Variants in HORMAD2 observed in about 807,000 individuals in gnomAD.
HORMAD2 encodes HORMA domain containing 2.
HORMAD2 carries 45 observed loss-of-function variants against 38.8 expected under a neutral mutation model. The ratio of observed to expected loss-of-function variants is 1.16; its 90% confidence interval spans 0.91 to 1.49. The LOEUF is 1.49. Among genes scored for constraint, HORMAD2 ranks in the 40% most tolerant of loss-of-function variants. The pLI is 0.00. For synonymous variants in HORMAD2, 126 were observed against 122.8 expected, an observed-to-expected ratio of 1.03 and a Z score of -0.17; for missense variants, 338 against 367.0, an observed-to-expected ratio of 0.92 and a Z score of 0.65.
At chr22:30,081,820 C>T (rs759721481) in intron 1 of HORMAD2, among the ~76,000 whole-genome samples, 8 of 152,074 alleles carry the variant, frequency 5.3e-5, no homozygotes, top group East Asian at 1.9e-4. Context: ...CTCTTGACCT[C>T]GTGATCCTCC....
intron 10 of HORMAD2, among the ~76,000 whole-genome samples, chr22:30,165,266 G>A (rs1328647367): frequency 1.3e-5 from 2 of 152,124 alleles, no homozygotes; most frequent in Non-Finnish European, 2.9e-5. Context: ...TGGTCTATAT[G>A]CCTGTCTTTA....
rs1431752401 is a variant in HORMAD2 at position 30,088,042 on chromosome 22, C to CATATGTACACACGTATACATATAT, written c.-37-5873_-37-5872insTATGTACACACGTATACATATATA. On this transcript the variant is annotated intron_variant, in intron 1 of 10. Transcript: ENST00000336726. ...ATATACAGATCTGTATATGTGTATA[C>CATATGTACACACGTATACATATAT]ACACGTACACACGTATACATATACA... Among the ~76,000 whole-genome samples, 4 of 150,986 alleles carry CATATGTACACACGTATACATATAT rather than the reference C, an allele frequency of 2.6e-5. No individual in the cohort carries two copies. In the South Asian group the frequency reaches 8.4e-4, roughly 32 times the overall value.
At chr22:30,090,183 C>T (rs1470846267) in intron 1 of HORMAD2, among the ~76,000 whole-genome samples, 1 of 151,958 alleles carries the variant, frequency 6.6e-6, no homozygotes, top group Non-Finnish European at 1.5e-5. Context: ...GGCAACATGA[C>T]AAAACCCCAT....
chr22:30,143,047 C>T (rs1924183468), intron 10 of HORMAD2, among the ~76,000 whole-genome samples: 1 of 152,092 alleles, frequency 6.6e-6, no homozygotes, highest in Non-Finnish European at 1.5e-5. Flanking sequence ...TCATCTGTAG[C>T]TATTTCCTTG....
chr22:30,180,934 CTCCTCTCCTCTCCTCT>C (rs1569125714), downstream of HORMAD2, among the ~76,000 whole-genome samples: 12 of 60,120 alleles, frequency 2.0e-4, no homozygotes, highest in African/African-American at 1.1e-3. Flanking sequence ...CTCCTCTCCT[CTCCTCTCCTCTCCTCT>C]CCTCTCCTCT....
At chr22:30,097,135 GACAA>G (rs1156809197) in intron 2 of HORMAD2, among the ~76,000 whole-genome samples, 1 of 152,122 alleles carries the variant, frequency 6.6e-6, no homozygotes, top group Non-Finnish European at 1.5e-5. Context: ...GAATAATTAT[GACAA>G]ACAGATCAAA....
At chr22:30,098,523 G>C (rs1920924900) in intron 2 of HORMAD2, among the ~76,000 whole-genome samples, 1 of 152,160 alleles carries the variant, frequency 6.6e-6, no homozygotes, top group Non-Finnish European at 1.5e-5. Flanking sequence ...GAAAGGAAAG[G>C]AGGAAAATCC....
intron 5 of HORMAD2, among the ~76,000 whole-genome samples, chr22:30,109,218 G>T (rs1921443098): frequency 6.6e-6 from 1 of 151,796 alleles, no homozygotes; most frequent in South Asian, 2.1e-4. Flanking sequence ...TAGAGACGGG[G>T]TTTCACCATG....
chr22:30,103,076 C>A (rs1055666498), intron 3 of HORMAD2, among the ~76,000 whole-genome samples: 1 of 152,042 alleles, frequency 6.6e-6, no homozygotes, highest in African/African-American at 2.4e-5. Context: ...AGGGAAATGA[C>A]TGATATTTAG....
At chr22:30,139,254 C>CTATATATATATATATATATA (rs3067131) in intron 10 of HORMAD2, among the ~76,000 whole-genome samples, 1 of 96,772 alleles carries the variant, frequency 1.0e-5, no homozygotes, top group Non-Finnish European at 1.9e-5. Context: ...ATGAACTGTA[C>CTATATATATATATATATATA]TATATATATA....
chr22:30,122,720 G>A (rs11090597), intron 10 of HORMAD2, among the ~76,000 whole-genome samples: 14,803 of 152,152 alleles, frequency 0.097, 744 homozygotes, highest in Middle Eastern at 0.14. Flanking sequence ...GAAAGTCAGG[G>A]GGTTGGTGGG....
intron 1 of HORMAD2, among the ~76,000 whole-genome samples, chr22:30,088,116 T>TACAC (rs370590549): frequency 1.7e-4 from 25 of 150,152 alleles, no homozygotes; most frequent in Non-Finnish European, 2.5e-4. Flanking sequence ...CGTGTACATA[T>TACAC]ACACACACGT....
At chr22:30,202,268 C>T in the HORMAD2 span, among the ~76,000 whole-genome samples, 1 of 152,074 alleles carries the variant, frequency 6.6e-6, no homozygotes. Flanking sequence ...TGACAGGGTC[C>T]AGGCAGGCTG....
At chr22:30,169,128 T>C (rs1925958029) in intron 10 of HORMAD2, among the ~76,000 whole-genome samples, 1 of 152,208 alleles carries the variant, frequency 6.6e-6, no homozygotes, top group Non-Finnish European at 1.5e-5. Context: ...CATCTTGCAT[T>C]ACTTAGTTCA....
chr22:30,102,418 T>C (rs1920955278), intron 3 of HORMAD2, among the ~76,000 whole-genome samples: 1 of 152,210 alleles, frequency 6.6e-6, no homozygotes, highest in Admixed American at 6.5e-5. Context: ...GTTCTTAAAG[T>C]AATATACATC....
At chr22:30,125,308 ACCTTCTTTCT>A (rs1004954986) in intron 10 of HORMAD2, among the ~76,000 whole-genome samples, 1 of 132,860 alleles carries the variant, frequency 7.5e-6, no homozygotes, top group Non-Finnish European at 1.5e-5. Context: ...GCTCACGGTA[ACCTTCTTTCT>A]CCTGGGTTCA....
At chr22:30,175,237 T>TTATATATAATAGAATATATATAATAA (rs1926363142) in intron 10 of HORMAD2, among the ~76,000 whole-genome samples, 1 of 63,060 alleles carries the variant, frequency 1.6e-5, no homozygotes, top group Non-Finnish European at 3.5e-5. Context: ...ATAGAATATA[T>TTATATATAATAGAATATATATAATAA]TATATATAAT....
At chr22:30,129,055 A>G (rs1310362908) in intron 10 of HORMAD2, among the ~76,000 whole-genome samples, 1 of 151,778 alleles carries the variant, frequency 6.6e-6, no homozygotes, top group African/African-American at 2.4e-5. Context: ...TGTCTCTACT[A>G]AAAATACAAA....
intron 10 of HORMAD2, among the ~76,000 whole-genome samples, chr22:30,164,399 A>G (rs959438851): frequency 2.0e-5 from 3 of 152,292 alleles, no homozygotes; most frequent in Non-Finnish European, 4.4e-5. Flanking sequence ...CAGCTGCACC[A>G]TTTAACATTT....
Sources: allele counts gnomAD v4.1 joint callset (sites outside exome capture counted in the v4.1 genomes callset), GRCh38; gene constraint gnomAD v4.1.1; transcripts MANE v1.5; gene names NCBI Gene and HGNC (gene_info 2026-07-23, HGNC 2026-07-21).